Variants in MYRFL observed in about 807,000 individuals in gnomAD.
MYRFL encodes myelin regulatory factor like.
In MYRFL, 88 loss-of-function variants were observed where a neutral mutation model predicts 109.4. That is an observed-to-expected ratio of 0.80 (90% CI 0.68 to 0.96). The LOEUF (loss-of-function observed/expected upper bound fraction) is 0.96, where lower values mean the gene tolerates loss of function less well. MYRFL is among the 40% of genes least tolerant of loss of function. MYRFL has a pLI of 0.00. For synonymous variants in MYRFL, 324 were observed against 320.9 expected (o/e 1.01, Z -0.10); for missense variants, 957 against 954.9 (o/e 1.00, Z -0.03).
At chr12:69,893,149 ACCAGTTGCTTT>A (rs1321371644) in intron 7 of MYRFL, among the ~76,000 whole-genome samples, 2 of 152,230 alleles carry the variant, frequency 1.3e-5, no homozygotes, top group Non-Finnish European at 1.5e-5. Context: ...GATGTAGGCC[ACCAGTTGCTTT>A]CTAGAAAGAT....
intron 6 of MYRFL, 129 bp from the exon 7 acceptor site, chr12:69,890,842 T>C: frequency 1.7e-6 from 1 of 599,388 alleles, no homozygotes. Flanking sequence ...AGAAATCAAT[T>C]GATTAAATAT....
chr12:69,932,409 C>A (rs1052712155), intron 15 of MYRFL, 104 bp from the exon 16 acceptor site: 1 of 721,646 alleles, frequency 1.4e-6, no homozygotes, highest in Non-Finnish European at 2.3e-6. Context: ...CTCAAACTAT[C>A]CCAAGAGAGC....
intron 19 of MYRFL, among the ~76,000 whole-genome samples, chr12:69,942,467 C>T (rs1252985352): frequency 6.6e-6 from 1 of 151,088 alleles, no homozygotes; most frequent in African/African-American, 2.4e-5. Context: ...CAGAAAAGGC[C>T]TTTGACAAAA....
intron 2 of MYRFL, among the ~76,000 whole-genome samples, chr12:69,866,288 T>C (rs1412658377): frequency 1.3e-5 from 2 of 152,054 alleles, no homozygotes; most frequent in Non-Finnish European, 2.9e-5. Flanking sequence ...TAACCTATAC[T>C]TGATTAAAAA....
chr12:69,842,210 T>C (rs1038660810), intron 1 of MYRFL, among the ~76,000 whole-genome samples: 1 of 152,224 alleles, frequency 6.6e-6, no homozygotes, highest in Admixed American at 6.5e-5. Context: ...CTAGTCTCTT[T>C]AAACTAGTCT....
intron 1 of MYRFL, among the ~76,000 whole-genome samples, chr12:69,854,333 TGGAGGG>T (rs1170148021): frequency 5.2e-5 from 5 of 95,446 alleles, no homozygotes; most frequent in African/African-American, 1.4e-4. Context: ...AGGGAGACCG[TGGAGGG>T]GGAGGGGGAG....
chr12:69,834,025 A>G (rs548220664), intron 1 of MYRFL, among the ~76,000 whole-genome samples: 62 of 152,288 alleles, frequency 4.1e-4, no homozygotes, highest in African/African-American at 1.5e-3. Context: ...ATGTAAGTCC[A>G]CTAATAAGAG....
rs189362022 is a variant in MYRFL, at chr12:69,825,841, C to T, written c.46+278C>T. 1.5e-3 allele frequency among the ~76,000 whole-genome samples: 232 copies of T among 152,098 alleles called. 1 individual carries two copies. The highest frequency in any genetic ancestry group is 6.9e-3 in the Admixed American group (106 of 15,254). On this transcript the variant is annotated intron_variant, in intron 1 of 24. Transcript: ENST00000552032. The stretch of plus-strand genomic sequence containing the variant: ...TATGTTGTTATTACTTGTCCCTGTC[C>T]TGTACTAGATTTTATTTTTTCCCAT...
chr12:69,853,877 A>AGAGG (rs1884087155), intron 1 of MYRFL, among the ~76,000 whole-genome samples: 1 of 151,092 alleles, frequency 6.6e-6, no homozygotes, highest in Non-Finnish European at 1.5e-5. Context: ...GCGGTGGGGC[A>AGAGG]GAGGGGCTCC....
chr12:69,955,431 A>AAAT lies in MYRFL; in HGVS notation c.2447_2449dup (p.Ile816dup). On this transcript the variant is annotated inframe_insertion, in exon 22 of 25. Transcript: ENST00000552032. ...CCCACCAATGTCAAGTTCTCTCTGG[A>AAAT]AATAAAGTAAGTGCATGGCTGTAAA... 1.6e-6 allele frequency: 1 copy of AAAT among 639,544 alleles called. No individual in the cohort carries two copies. Among genetic ancestry groups the AAAT allele is most frequent in the East Asian group, 2.9e-5 (1 of 34,806 alleles). 39.6% of individuals were successfully genotyped at this position (639,544 alleles called of 1,614,324 possible). A position where few individuals can be genotyped will look rare whatever the true frequency, so the allele number is the denominator to read the frequency against.
chr12:69,891,120 G>T lies in MYRFL; in HGVS notation c.857G>T (p.Gly286Val). The change falls in exon 7 of 25, where the codon GGC (glycine) becomes GTC (valine). Residue 286 changes from glycine (G) to valine (V), a missense_variant. Gly to Val is a moderately radical substitution (Grantham distance 109, BLOSUM62 -3). Coordinates refer to ENST00000552032, the MANE Select transcript of MYRFL (RefSeq NM_182530.3). ...CCAAAATTTGTTGAAACCGAGATGG[G>T]CCTAAAGCCAATAGAAATGTTTTAC... ...GSPKFVETEMGLKPIEMFYLK... is the reference protein window; with the variant it reads ...GSPKFVETEMVLKPIEMFYLK... 1 of 1,530,588 alleles carries T rather than the reference G, an allele frequency of 6.5e-7. No homozygotes were observed. The highest frequency in any genetic ancestry group is 8.7e-7 in the Non-Finnish European group (1 of 1,145,146). 94.8% of individuals were successfully genotyped at this position (1,530,588 alleles called of 1,614,324 possible).
intron 1 of MYRFL, among the ~76,000 whole-genome samples, chr12:69,835,735 T>TG (rs1882896794): frequency 6.6e-6 from 1 of 152,200 alleles, no homozygotes; most frequent in Non-Finnish European, 1.5e-5. Flanking sequence ...GAGGTTCCCT[T>TG]GTCCCCCTCA....
rs573055807 is a variant in MYRFL, at chr12:69,871,893, A to G, written c.138-7135A>G. On this transcript the variant is annotated intron_variant, in intron 2 of 24. Coordinates refer to ENST00000552032, the MANE Select transcript of MYRFL (RefSeq NM_182530.3). ...AAATAATCAATTCTTTTCCTCGTCAATAAACTCCTCAATCCATGTATGTCT... is the reference window on the plus strand; with the variant it reads ...AAATAATCAATTCTTTTCCTCGTCAGTAAACTCCTCAATCCATGTATGTCT... Among the ~76,000 whole-genome samples, 4 of 152,332 alleles carry G rather than the reference A, an allele frequency of 2.6e-5. No individual in the cohort carries two copies. In the East Asian group the frequency reaches 5.8e-4, roughly 22 times the overall value.
chr12:69,861,959 C>A (rs1273944105), intron 2 of MYRFL, among the ~76,000 whole-genome samples: 1 of 150,770 alleles, frequency 6.6e-6, no homozygotes, highest in Non-Finnish European at 1.5e-5. Flanking sequence ...TTTCAGCTTT[C>A]TACATATGGC....
At chr12:69,833,421 A>G (rs566619341) in intron 1 of MYRFL, among the ~76,000 whole-genome samples, 3 of 152,356 alleles carry the variant, frequency 2.0e-5, no homozygotes, top group South Asian at 2.1e-4. Context: ...GATTTCGTGC[A>G]GTGGGGAAGG....
At chr12:69,883,620 T>G (rs1464038068) in intron 5 of MYRFL, among the ~76,000 whole-genome samples, 3 of 150,950 alleles carry the variant, frequency 2.0e-5, no homozygotes, top group Admixed American at 1.3e-4. Context: ...CTCAGCACTT[T>G]GGGAGGCTGA....
At chr12:69,877,495 T>G (rs1412940149) in intron 2 of MYRFL, among the ~76,000 whole-genome samples, 1 of 152,186 alleles carries the variant, frequency 6.6e-6, no homozygotes, top group East Asian at 1.9e-4. Context: ...CAGGCAGTCT[T>G]GGTTGTGTTT....
In MYRFL at chr12:69,914,116, A is replaced by G. The variant is rs73339429; in HGVS notation, c.1602+3186A>G. Among the ~76,000 whole-genome samples the G allele has an allele frequency of 3.2e-3, 481 of 152,230 alleles. 2 individuals are homozygous for G. Among genetic ancestry groups the G allele is most frequent in the African/African-American group, 0.011 (461 of 41,554 alleles). On this transcript the variant is annotated intron_variant, in intron 13 of 24. Transcript: ENST00000552032. Reference sequence around the variant, plus strand: ...TTCAGATTGCTTACTGTTATTGTATAGAAATGCAGCTAATTTTTGTGTTGA... The same window carrying G: ...TTCAGATTGCTTACTGTTATTGTATGGAAATGCAGCTAATTTTTGTGTTGA...
intron 19 of MYRFL, among the ~76,000 whole-genome samples, chr12:69,948,956 C>T (rs1955905381): frequency 6.6e-6 from 1 of 152,166 alleles, no homozygotes; most frequent in Non-Finnish European, 1.5e-5. Flanking sequence ...GGTCTTCCCT[C>T]TTCTTTTCCT....
Sources: allele counts gnomAD v4.1 joint callset (sites outside exome capture counted in the v4.1 genomes callset), GRCh38; gene constraint gnomAD v4.1.1; transcripts MANE v1.5; gene names NCBI Gene and HGNC (gene_info 2026-07-23, HGNC 2026-07-21).